PCDHA5: variants seen among roughly 807,000 people sequenced by gnomAD.
PCDHA5 encodes protocadherin alpha-5.
A neutral mutation model predicts 61.6 loss-of-function variants in PCDHA5; 43 were observed. The observed-to-expected ratio is 0.70, with a 90% CI of 0.55 to 0.90. PCDHA5 has a LOEUF of 0.90. PCDHA5 is among the 40% of genes least tolerant of loss of function. The probability of loss-of-function intolerance (pLI) is 0.00; values close to 1 mark genes in which losing one functional copy is unlikely to be tolerated. For synonymous variants in PCDHA5, 627 were observed against 543.9 expected, an observed-to-expected ratio of 1.15 and a Z score of -2.13; for missense variants, 1,298 against 1,222.7, an observed-to-expected ratio of 1.06 and a Z score of -0.92.
At chr5:140,830,235 T>A in intron 1 of PCDHA5, 3 of 1,613,922 alleles carry the variant, frequency 1.9e-6, no homozygotes, top group Non-Finnish European at 2.5e-6. Flanking sequence ...GTCCTCACGC[T>A]ACTGCTGTAC....
In PCDHA5 at chr5:140,982,461, G is replaced by A. The variant is rs765899879; in HGVS notation, c.2412-14G>A. The A allele has an allele frequency of 4.7e-5, 76 of 1,614,088 alleles. No individual in the cohort carries two copies. The highest frequency in any genetic ancestry group is 5.8e-5 in the Non-Finnish European group (68 of 1,180,014). On this transcript the variant is annotated splice_polypyrimidine_tract_variant and intron_variant, in intron 2 of 3. Coordinates refer to ENST00000529859, the MANE Select transcript of PCDHA5 (RefSeq NM_018908.3). ...TATGATCTAACCGTTATCTGGGTCTGTGTGTTTATTCAGCTCTGTGCACCT... is the reference window on the plus strand; with the variant it reads ...TATGATCTAACCGTTATCTGGGTCTATGTGTTTATTCAGCTCTGTGCACCT...
intron 1 of PCDHA5, chr5:140,871,726 T>A (rs1412265993): frequency 1.3e-6 from 1 of 740,884 alleles, no homozygotes; most frequent in Non-Finnish European, 2.1e-6. Flanking sequence ...CTCTTAATAT[T>A]TGGTTAGCAA....
At chr5:140,924,906 TA>T (rs1284498744) in intron 1 of PCDHA5, among the ~76,000 whole-genome samples, 1 of 55,776 alleles carries the variant, frequency 1.8e-5, no homozygotes, top group African/African-American at 8.7e-5. Flanking sequence ...AAAAAAAAAA[TA>T]AAATAAAATA....
chr5:140,940,029 C>T (rs1411990785), intron 1 of PCDHA5, among the ~76,000 whole-genome samples: 4 of 152,136 alleles, frequency 2.6e-5, no homozygotes, highest in East Asian at 1.9e-4. Flanking sequence ...TGTTTTAAGG[C>T]TATTTTATTT....
In PCDHA5 at chr5:140,876,702, C is replaced by A. The variant is rs1554168805; in HGVS notation, c.2352+52575C>A. 6.2e-7 allele frequency: 1 copy of A among 1,614,242 alleles called. No homozygotes were observed. Among genetic ancestry groups the A allele is most frequent in the Admixed American group, 1.7e-5 (1 of 60,028 alleles). The stretch of plus-strand genomic sequence containing the variant: ...AGAATTACTACTCGTTGGTGCTGGA[C>A]AGCGCCCTGGACCGCGAGAGCGTGT... On this transcript the variant is annotated intron_variant, in intron 1 of 3. Coordinates refer to ENST00000529859, the MANE Select transcript of PCDHA5 (RefSeq NM_018908.3).
chr5:140,841,768 C>T (rs2150322349), intron 1 of PCDHA5: 2 of 1,613,936 alleles, frequency 1.2e-6, no homozygotes, highest in East Asian at 2.2e-5. Context: ...GAATGCCAGA[C>T]TCTCGGTTTC....
In PCDHA5 at chr5:140,877,673, C is replaced by T. The variant is rs1187719075; in HGVS notation, c.2352+53546C>T. The T allele has an allele frequency of 2.5e-5, 40 of 1,613,532 alleles. No individual in the cohort carries two copies. In the East Asian group the frequency reaches 8.0e-4, roughly 32 times the overall value. Reference sequence around the variant, plus strand: ...CCGCCCACCGTGAGCCGGTGCGCGCCGGGCAAGCCCACGCTGGTGTGCTCC... The same window carrying T: ...CCGCCCACCGTGAGCCGGTGCGCGCTGGGCAAGCCCACGCTGGTGTGCTCC... On this transcript the variant is annotated intron_variant, in intron 1 of 3. Transcript: ENST00000529859.
intron 1 of PCDHA5, among the ~76,000 whole-genome samples, chr5:140,931,876 T>G (rs533517349): frequency 1.3e-5 from 2 of 152,112 alleles, no homozygotes; most frequent in South Asian, 4.1e-4. Context: ...AAATATTTAT[T>G]GCTTTCATTT....
At chr5:140,850,270 G>A (rs782505254) in intron 1 of PCDHA5, 1 of 1,594,948 alleles carries the variant, frequency 6.3e-7, no homozygotes, top group African/African-American at 1.3e-5. Flanking sequence ...GTAGTGGTGG[G>A]GAAGGTGCGC....
At chr5:140,999,400 A>G (rs1331954466) in intron 3 of PCDHA5, among the ~76,000 whole-genome samples, 2 of 152,150 alleles carry the variant, frequency 1.3e-5, no homozygotes, top group Admixed American at 6.5e-5. Flanking sequence ...TGTTTTGCAT[A>G]TGAAAGAATG....
Position 140,883,565 on chromosome 5 carries a change from C to T in PCDHA5, c.2352+59438C>T, listed in dbSNP as rs139159217. On this transcript the variant is annotated intron_variant, in intron 1 of 3. Transcript: ENST00000529859. ...GGTGACCGCGCGGGACGGGGGCTCG[C>T]CTTCGCTGTGGGCCACGGCCAGCGT... is the stretch of plus-strand genomic sequence containing the variant. 6.5e-5 allele frequency: 105 copies of T among 1,614,180 alleles called. 1 individual carries two copies. In the African/African-American group the frequency reaches 1.3e-3, roughly 20 times the overall value.
At chr5:140,834,597 G>A (rs1554134361) in intron 1 of PCDHA5, 1 of 1,614,130 alleles carries the variant, frequency 6.2e-7, no homozygotes, top group African/African-American at 1.3e-5. Flanking sequence ...CAAATTCCGT[G>A]GGGATCTTCT....
chr5:140,822,222 G>C lies in PCDHA5; in HGVS notation c.447G>C (p.Ser149=), dbSNP rs2150114654. 1 of 1,614,212 alleles carries C rather than the reference G, an allele frequency of 6.2e-7. No homozygotes were observed. The highest frequency in any genetic ancestry group is 1.1e-5 in the South Asian group (1 of 91,088). ...LFILESRMPD[S]RFPLEGASDL... is the part of the protein sequence containing the mutation. ...TTTTAGAGTCAAGAATGCCAGATTC[G>C]CGGTTTCCGCTAGAGGGCGCGTCGG... Residue 149 remains serine (S), a synonymous_variant, in exon 1 of 4, where the codon TCG becomes TCC. Coordinates refer to ENST00000529859, the MANE Select transcript of PCDHA5 (RefSeq NM_018908.3).
intron 1 of PCDHA5, among the ~76,000 whole-genome samples, chr5:140,973,878 A>T (rs1440672302): frequency 6.6e-6 from 1 of 152,214 alleles, no homozygotes; most frequent in African/African-American, 2.4e-5. Context: ...GGTCAGAATA[A>T]TGTCAATTTG....
chr5:140,948,839 G>A (rs2094310723), intron 1 of PCDHA5, among the ~76,000 whole-genome samples: 1 of 151,152 alleles, frequency 6.6e-6, no homozygotes, highest in African/African-American at 2.4e-5. Flanking sequence ...GCTTTTGTCT[G>A]TATTATTTGC....
chr5:140,911,515 T>C (rs2075517327), intron 1 of PCDHA5, among the ~76,000 whole-genome samples: 1 of 152,226 alleles, frequency 6.6e-6, no homozygotes, highest in African/African-American at 2.4e-5. Flanking sequence ...CAGTATCTGC[T>C]TCTGAAGCTA....
At chr5:140,838,648 A>G (rs1026164992) in intron 1 of PCDHA5, among the ~76,000 whole-genome samples, 1 of 152,158 alleles carries the variant, frequency 6.6e-6, no homozygotes, top group East Asian at 1.9e-4. Context: ...CAAAAAAATG[A>G]TAGTTAACGG....
chr5:140,846,589 T>G (rs1780576072), intron 1 of PCDHA5, among the ~76,000 whole-genome samples: 1 of 148,848 alleles, frequency 6.7e-6, no homozygotes, highest in Non-Finnish European at 1.5e-5. Context: ...TTAGCCAGGA[T>G]GGTCTCGATC....
At chr5:140,841,779 C>T in intron 1 of PCDHA5, 1 of 1,613,838 alleles carries the variant, frequency 6.2e-7, no homozygotes, top group Non-Finnish European at 8.5e-7. Flanking sequence ...TCTCGGTTTC[C>T]GCTAGAGGGC....
Sources: gnomAD v4.1 joint callset for allele counts (sites outside exome capture counted in the v4.1 genomes callset) on GRCh38, gnomAD v4.1.1 for gene constraint, MANE v1.5 for transcripts, NCBI Gene and HGNC (gene_info 2026-07-23, HGNC 2026-07-21) for gene names.